The following INTS4 variants were observed in gnomAD, a reference collection of about 807,000 sequenced individuals.
INTS4 encodes the protein MSTP093.
In INTS4, 70 loss-of-function variants were observed where a neutral mutation model predicts 119.5. That is an observed-to-expected ratio of 0.59 (90% CI 0.48 to 0.71). The LOEUF (loss-of-function observed/expected upper bound fraction) is 0.71, where lower values mean the gene tolerates loss of function less well. INTS4 is among the 30% of genes least tolerant of loss of function. The pLI, the probability that INTS4 is intolerant of heterozygous loss-of-function variation, is 0.00. For missense variants in INTS4, 867 were observed against 1,173.2 expected, an observed-to-expected ratio of 0.74 and a Z score of 3.81; for synonymous variants, 316 against 419.6, an observed-to-expected ratio of 0.75 and a Z score of 3.02.
intron 4 of INTS4, among the ~76,000 whole-genome samples, chr11:77,970,393 T>A: frequency 1.3e-5 from 2 of 151,762 alleles, no homozygotes; most frequent in South Asian, 4.2e-4. Context: ...AGTGACTCCA[T>A]CTGGGGAAAA....
chr11:77,971,576 G>T (rs942482492), intron 4 of INTS4, among the ~76,000 whole-genome samples: 8 of 152,052 alleles, frequency 5.3e-5, no homozygotes, highest in African/African-American at 1.9e-4. Flanking sequence ...GGAGGCAGAG[G>T]TTGCAGTGAG....
intron 15 of INTS4, chr11:77,911,207 G>A: frequency 9.1e-7 from 1 of 1,094,292 alleles, no homozygotes; most frequent in South Asian, 1.8e-5. Flanking sequence ...ATTAATGTAT[G>A]ATATATATCA....
intron 8 of INTS4, among the ~76,000 whole-genome samples, chr11:77,943,155 C>CAA (rs1267214756): frequency 2.0e-5 from 3 of 152,118 alleles, no homozygotes; most frequent in African/African-American, 7.2e-5. Context: ...ATCCATAATT[C>CAA]CCAGTGCCCT....
chr11:77,957,486 G>T (rs544498791), intron 7 of INTS4, among the ~76,000 whole-genome samples: 73 of 151,188 alleles, frequency 4.8e-4, no homozygotes, highest in African/African-American at 1.6e-3. Flanking sequence ...GGAGTTGGAG[G>T]TTGTAGTAAG....
At chr11:77,979,831 A>G (rs2099883865) in intron 3 of INTS4, among the ~76,000 whole-genome samples, 1 of 151,762 alleles carries the variant, frequency 6.6e-6, no homozygotes, top group African/African-American at 2.4e-5. Flanking sequence ...CACAAAAAAT[A>G]GCCAGGCATG....
chr11:77,956,629 C>T (rs1317028372), intron 7 of INTS4, among the ~76,000 whole-genome samples: 3 of 151,734 alleles, frequency 2.0e-5, no homozygotes, highest in Non-Finnish European at 2.9e-5. Flanking sequence ...ATCGCTTGAA[C>T]CTGGAATGTG....
Position 77,959,907 on chromosome 11 carries a change from C to T in INTS4, c.708+434G>A, listed in dbSNP as rs140004216. Reference sequence around the variant, plus strand: ...AACTTCATTATACCTTTCTTTACCACTACTACTACATGCATGTGACTTTTT... The same window carrying T: ...AACTTCATTATACCTTTCTTTACCATTACTACTACATGCATGTGACTTTTT... On this transcript the variant is annotated intron_variant, in intron 6 of 22. Transcript: ENST00000534064. Among the ~76,000 whole-genome samples the T allele has an allele frequency of 2.0e-5, 3 of 152,270 alleles. No homozygotes were observed. In the East Asian group the frequency reaches 5.8e-4, roughly 29 times the overall value.
chr11:77,933,434 C>G (rs537275819), intron 10 of INTS4, among the ~76,000 whole-genome samples: 3 of 152,192 alleles, frequency 2.0e-5, no homozygotes, highest in African/African-American at 2.4e-5. Flanking sequence ...CTGTGTTGGC[C>G]GGGCTGGTCT....
intron 18 of INTS4, among the ~76,000 whole-genome samples, chr11:77,897,795 G>A (rs919470503): frequency 3.3e-5 from 5 of 151,642 alleles, no homozygotes; most frequent in Admixed American, 2.6e-4. Context: ...GTTAGCCACC[G>A]CACCCAGCCA....
At chr11:77,920,634 C>T (rs1226715464) in intron 14 of INTS4, among the ~76,000 whole-genome samples, 3 of 151,712 alleles carry the variant, frequency 2.0e-5, no homozygotes, top group Admixed American at 1.3e-4. Context: ...AGGCAGATCA[C>T]GAGGTCAGGA....
Position 77,955,599 on chromosome 11 carries a change from G to A in INTS4, c.918+343C>T, listed in dbSNP as rs1187251919. Among the ~76,000 whole-genome samples the A allele has an allele frequency of 5.9e-5, 9 of 151,538 alleles. No individual in the cohort carries two copies. In the East Asian group the frequency reaches 7.8e-4, roughly 13 times the overall value. ...CAACTTCTGCCTCCCAGGTTCAAGC[G>A]ATTCTCCTGCCTCAGCCTCCCGAGT... is the stretch of plus-strand genomic sequence containing the variant. On this transcript the variant is annotated intron_variant, in intron 8 of 22. Transcript: ENST00000534064.
chr11:77,982,688 A>G (rs1856295323), intron 2 of INTS4, among the ~76,000 whole-genome samples: 1 of 152,210 alleles, frequency 6.6e-6, no homozygotes, highest in South Asian at 2.1e-4. Flanking sequence ...ATATAGCACA[A>G]TACCTGACAC....
At chr11:77,920,242 TATATATAC>T (rs1380442044) in intron 14 of INTS4, among the ~76,000 whole-genome samples, 64 of 80,018 alleles carry the variant, frequency 8.0e-4, no homozygotes, top group South Asian at 2.9e-3. Flanking sequence ...CATATATACA[TATATATAC>T]ATATATACAT....
At chr11:77,874,415 G>C (rs1951543501), downstream of INTS4, among the ~76,000 whole-genome samples, 1 of 149,910 alleles carries the variant, frequency 6.7e-6, no homozygotes, top group African/African-American at 2.5e-5. Flanking sequence ...AGACAGCTCT[G>C]GTGGGTGTTG....
chr11:77,892,028 CT>C (rs1952294024), intron 19 of INTS4, among the ~76,000 whole-genome samples, 188 bp from the exon 20 acceptor site: 2 of 152,182 alleles, frequency 1.3e-5, no homozygotes, highest in Admixed American at 1.3e-4. Context: ...AGAAAGGCCT[CT>C]GTTTATTGAT....
At chr11:77,958,019 T>C (rs1436422543) in intron 7 of INTS4, among the ~76,000 whole-genome samples, 6 of 152,088 alleles carry the variant, frequency 3.9e-5, no homozygotes, top group Non-Finnish European at 5.9e-5. Flanking sequence ...AACTTACTTA[T>C]CAATCCAGTC....
At chr11:77,907,942 G>A (rs78724281) in intron 15 of INTS4, 132 bp from the exon 16 acceptor site, 9,574 of 590,274 alleles carry the variant, frequency 0.016, 259 homozygotes, top group African/African-American at 0.085. Context: ...GACACTGAAT[G>A]CTGGAGTGGT....
At chr11:77,967,541 A>G (rs1187793428) in intron 4 of INTS4, among the ~76,000 whole-genome samples, 2 of 152,144 alleles carry the variant, frequency 1.3e-5, no homozygotes, top group African/African-American at 4.8e-5. Flanking sequence ...TGGCAATTCT[A>G]TTTTTAATTT....
intron 2 of INTS4, among the ~76,000 whole-genome samples, chr11:77,983,434 G>T (rs1856320691): frequency 6.6e-6 from 1 of 152,122 alleles, no homozygotes; most frequent in South Asian, 2.1e-4. Flanking sequence ...TGTAAAGTTA[G>T]ATTCTTGATT....
Sources: allele counts gnomAD v4.1 joint callset (sites outside exome capture counted in the v4.1 genomes callset), GRCh38; gene constraint gnomAD v4.1.1; transcripts MANE v1.5; gene names NCBI Gene and HGNC (gene_info 2026-07-23, HGNC 2026-07-21).